APOO: variants seen among roughly 807,000 people sequenced by gnomAD.
APOO encodes the protein apolipoprotein O, also known as MICOS complex subunit MIC26.
In APOO, 11 loss-of-function variants were observed where a neutral mutation model predicts 23.1. That is an observed-to-expected ratio of 0.48 (90% CI 0.30 to 0.79). The LOEUF (loss-of-function observed/expected upper bound fraction) is 0.79. APOO is among the 30% of genes least tolerant of loss of function. The probability of loss-of-function intolerance (pLI) is 0.07; values close to 1 mark genes in which losing one functional copy is unlikely to be tolerated. For synonymous variants in APOO, 59 were observed against 54.8 expected, an observed-to-expected ratio of 1.08 and a Z score of -0.34; for missense variants, 160 against 142.7, an observed-to-expected ratio of 1.12 and a Z score of -0.62.
At chrX:23,845,926 T>C (rs763919817) in intron 7 of APOO, among the ~76,000 whole-genome samples, 3 of 112,069 alleles carry the variant, frequency 2.7e-5, no homozygotes, top group Non-Finnish European at 5.6e-5. Flanking sequence ...AATTCTGTGA[T>C]AGTAATTTGT....
intron 1 of APOO, among the ~76,000 whole-genome samples, chrX:23,881,475 G>A (rs1926123693): frequency 2.0e-5 from 2 of 99,376 alleles, no homozygotes; most frequent in South Asian, 9.3e-4. Context: ...TGAGTTTGAG[G>A]CTTCAGTGAG....
At chrX:23,838,572 A>G (rs1256944376) in intron 8 of APOO, among the ~76,000 whole-genome samples, 1 of 102,858 alleles carries the variant, frequency 9.7e-6, no homozygotes, top group Non-Finnish European at 2.0e-5. Flanking sequence ...AACTACCACC[A>G]TGCCTGGCTT....
At chrX:23,879,088 C>T (rs929126639) in intron 2 of APOO, 54 bp from the exon 3 acceptor site, 273 of 1,126,615 alleles carry the variant, frequency 2.4e-4, no homozygotes, top group Non-Finnish European at 3.1e-4. Context: ...CTACAGGATA[C>T]ATTTATCAAA....
intron 1 of APOO, among the ~76,000 whole-genome samples, chrX:23,887,229 C>CTTTTTTTTTTTTTTTTTTT (rs765596270): frequency 1.8e-5 from 1 of 54,210 alleles, no homozygotes; most frequent in African/African-American, 7.0e-5. Context: ...TTCTTTTTCC[C>CTTTTTTTTTTTTTTTTTTT]TTTTTTTTTT....
intron 4 of APOO, among the ~76,000 whole-genome samples, chrX:23,874,040 A>G (rs1925734674): frequency 8.9e-6 from 1 of 112,410 alleles, no homozygotes; most frequent in Non-Finnish European, 1.9e-5. Flanking sequence ...AAACTTCTAG[A>G]GCATCTATTA....
intron 1 of APOO, among the ~76,000 whole-genome samples, chrX:23,903,672 C>A (rs1187701691): frequency 8.9e-6 from 1 of 111,787 alleles, no homozygotes; most frequent in Non-Finnish European, 1.9e-5. Context: ...ATGTTCAACA[C>A]AACTAAAGAC....
At chrX:23,857,715 A>T (rs1924839993) in intron 6 of APOO, among the ~76,000 whole-genome samples, 1 of 111,441 alleles carries the variant, frequency 9.0e-6, no homozygotes, top group African/African-American at 3.3e-5. Flanking sequence ...GTGATGTGGT[A>T]GTTCCAGCAG....
At chrX:23,842,413 G>A (rs780998016) in intron 7 of APOO, among the ~76,000 whole-genome samples, 87 of 111,327 alleles carry the variant, frequency 7.8e-4, no homozygotes, top group Non-Finnish European at 1.4e-3. Context: ...AATGGAATGG[G>A]GTAGAACTTA....
At chrX:23,845,277 G>A (rs915541845) in intron 7 of APOO, among the ~76,000 whole-genome samples, 1 of 111,787 alleles carries the variant, frequency 8.9e-6, no homozygotes, top group Non-Finnish European at 1.9e-5. Flanking sequence ...TAGAATTTTA[G>A]ACAGCAAAAA....
At chrX:23,873,809 G>A (rs1187364767) in intron 4 of APOO, among the ~76,000 whole-genome samples, 1 of 111,275 alleles carries the variant, frequency 9.0e-6, no homozygotes, top group Non-Finnish European at 1.9e-5. Context: ...TGCCTAATAA[G>A]GGGAATGAAA....
At chrX:23,893,197 C>A (rs1234444651) in intron 1 of APOO, among the ~76,000 whole-genome samples, 1 of 107,147 alleles carries the variant, frequency 9.3e-6, no homozygotes, top group Non-Finnish European at 1.9e-5. Flanking sequence ...GCGGGCAGAT[C>A]ACGAGGTCAG....
At chrX:23,877,594 C>T (rs948924896) in intron 3 of APOO, among the ~76,000 whole-genome samples, 4 of 110,486 alleles carry the variant, frequency 3.6e-5, no homozygotes, top group African/African-American at 3.3e-5. Context: ...GCCAACATGG[C>T]GAAACTCTGC....
chrX:23,906,980 C>G (rs1927386220), intron 1 of APOO, among the ~76,000 whole-genome samples: 1 of 112,533 alleles, frequency 8.9e-6, no homozygotes, highest in African/African-American at 3.2e-5. Flanking sequence ...CTTGAAGACT[C>G]AATTTTGTAG....
intron 1 of APOO, among the ~76,000 whole-genome samples, chrX:23,889,735 T>A (rs1926550013): frequency 2.0e-5 from 2 of 99,118 alleles, no homozygotes; most frequent in African/African-American, 7.5e-5. Flanking sequence ...CGATCTTGGC[T>A]CACTGCAAGC....
chrX:23,876,276 A>T lies in APOO; in HGVS notation c.238-1819T>A, dbSNP rs193234058. Among the ~76,000 whole-genome samples, 273 of 102,552 alleles carry T rather than the reference A, an allele frequency of 2.7e-3. 4 individuals carry two copies. The East Asian group carries it at 0.041, about 16-fold the overall frequency. 89.1% of individuals were successfully genotyped at this position (102,552 alleles called of 115,157 possible). A position where few individuals can be genotyped will look rare whatever the true frequency, so the allele number is the denominator to read the frequency against. On this transcript the variant is annotated intron_variant, in intron 3 of 8. Transcript: ENST00000379226. ...AGACTCCGTCTCAAAAAAATAAAAAAAATAAAAATAAAAATAAAAATATTA... is the reference window on the plus strand; with the variant it reads ...AGACTCCGTCTCAAAAAAATAAAAATAATAAAAATAAAAATAAAAATATTA...
chrX:23,892,315 G>C (rs1241741135), intron 1 of APOO, among the ~76,000 whole-genome samples: 1 of 100,525 alleles, frequency 9.9e-6, no homozygotes, highest in African/African-American at 3.5e-5. Context: ...GCAGTGGCGC[G>C]ATCTCCACTC....
chrX:23,860,516 T>TG (rs1924968664), intron 5 of APOO, among the ~76,000 whole-genome samples: 16 of 108,687 alleles, frequency 1.5e-4, no homozygotes, highest in Non-Finnish European at 1.9e-5. Flanking sequence ...CATCTCCATT[T>TG]CTTTTTTTTC....
At chrX:23,904,504 GTTTTTTTTTTT>G (rs143167112) in intron 1 of APOO, among the ~76,000 whole-genome samples, 2 of 53,218 alleles carry the variant, frequency 3.8e-5, no homozygotes, top group East Asian at 1.3e-3. Context: ...GATGACACTG[GTTTTTTTTTTT>G]TTTTTTTTTT....
At chrX:23,902,001 T>C (rs147197725) in intron 1 of APOO, among the ~76,000 whole-genome samples, 1,393 of 111,897 alleles carry the variant, frequency 0.012, 7 homozygotes, top group Admixed American at 0.023. Flanking sequence ...CATAGGCATG[T>C]TCTTCTCTAT....
Sources: allele counts gnomAD v4.1 joint callset (sites outside exome capture counted in the v4.1 genomes callset), GRCh38; gene constraint gnomAD v4.1.1; transcripts MANE v1.5; gene names NCBI Gene and HGNC (gene_info 2026-07-23, HGNC 2026-07-21).